DNHD1: variants seen among roughly 807,000 people sequenced by gnomAD.
The protein encoded by DNHD1 is dynein heavy chain domain-containing protein 1.
In DNHD1, 383 loss-of-function variants were observed where a neutral mutation model predicts 458.1. The observed-to-expected ratio is 0.84, with a 90% CI of 0.77 to 0.91. The LOEUF is 0.91. DNHD1 is among the 40% of genes least tolerant of loss of function. The probability of loss-of-function intolerance (pLI) is 0.00; values close to 1 mark genes in which losing one functional copy is unlikely to be tolerated. For synonymous variants in DNHD1, 2,203 were observed against 2,376.9 expected (o/e 0.93, Z 2.13); for missense variants, 5,336 against 5,866.1 (o/e 0.91, Z 2.95).
At position 6,559,284 on chromosome 11, in the gene DNHD1, G is replaced by C; in HGVS notation, c.9519+1G>C. On this transcript the variant is annotated splice_donor_variant, in intron 28 of 42. Transcript: ENST00000254579. LOFTEE classifies it high-confidence loss of function. Reference sequence around the variant, plus strand: ...ACAGCAGCTGAAAGACTCCGGCAAGGTAAGGAGATGATTTTGAGGCTTCCA... The same window carrying C: ...ACAGCAGCTGAAAGACTCCGGCAAGCTAAGGAGATGATTTTGAGGCTTCCA... 1 of 1,551,342 alleles carries C rather than the reference G, an allele frequency of 6.4e-7. No individual in the cohort carries two copies. Among genetic ancestry groups the C allele is most frequent in the Non-Finnish European group, 8.7e-7 (1 of 1,146,722 alleles).
At chr11:6,524,663 A>G (rs1023644709) in intron 10 of DNHD1, among the ~76,000 whole-genome samples, 2 of 152,166 alleles carry the variant, frequency 1.3e-5, no homozygotes, top group African/African-American at 4.8e-5. Context: ...GCTTTTAGCT[A>G]TAGGCAAGGG....
intron 10 of DNHD1, among the ~76,000 whole-genome samples, chr11:6,526,984 A>T (rs997579256): frequency 6.6e-6 from 1 of 152,140 alleles, no homozygotes; most frequent in Non-Finnish European, 1.5e-5. Flanking sequence ...TGGTGATGCC[A>T]TGTGTGTTTT....
At position 6,557,548 on chromosome 11, in the gene DNHD1, A is replaced by C. The variant is rs756004154; in HGVS notation, c.8253A>C (p.Pro2751=). 6 of 1,551,654 alleles carry C rather than the reference A, an allele frequency of 3.9e-6. No homozygotes were observed. The South Asian group carries it at 5.9e-5, about 15-fold the overall frequency. Residue 2751 remains proline, a synonymous_variant, in exon 25 of 43, where the codon CCA becomes CCC. Transcript: ENST00000254579. ...ACTCCAGAGATCCAAGTCTAACACC[A>C]TCCATAGGACCAGTAAGCAGGGGGA... ...VSNSRDPSLT[P]SIGPVSRGMK...
Position 6,528,931 on chromosome 11 carries a change from C to T in DNHD1, c.2157C>T (p.Gly719=), listed in dbSNP as rs1852771550. Residue 719 remains glycine, a synonymous_variant, in exon 12 of 43, where the codon GGC becomes GGT. Coordinates refer to ENST00000254579, the MANE Select transcript of DNHD1 (RefSeq NM_144666.3). The stretch of plus-strand genomic sequence containing the variant: ...GCAGGGAACATCATTGGATAACAGG[C>T]ATTTATGAATTCCTGCAATCCTGGG... ...EFCREHHWIT[G]IYEFLQSWGP... is the part of the protein sequence containing the mutation. The T allele has an allele frequency of 1.3e-6, 2 of 1,551,704 alleles. No individual in the cohort carries two copies. Among genetic ancestry groups the T allele is most frequent in the Non-Finnish European group, 1.7e-6 (2 of 1,146,998 alleles).
chr11:6,568,442 G>A lies in DNHD1; in HGVS notation c.12539-12G>A. On this transcript the variant is annotated splice_polypyrimidine_tract_variant and intron_variant, in intron 37 of 42. Transcript: ENST00000254579. Reference sequence around the variant, plus strand: ...ATCCAAGGACTGATCTCAGACCCTTGTCTGACTCTAGTGGTTGCAGACCTG... The same window carrying A: ...ATCCAAGGACTGATCTCAGACCCTTATCTGACTCTAGTGGTTGCAGACCTG... The A allele has an allele frequency of 7.4e-6, 12 of 1,612,764 alleles. No homozygotes were observed. The highest frequency in any genetic ancestry group is 1.0e-5 in the Non-Finnish European group (12 of 1,179,876).
rs769890689 is a variant in DNHD1, at chr11:6,498,255, G to T, written c.40G>T (p.Glu14Ter). 5.0e-6 allele frequency: 8 copies of T among 1,614,006 alleles called. No individual in the cohort carries two copies. The highest frequency in any genetic ancestry group is 6.8e-6 in the Non-Finnish European group (8 of 1,180,006). The part of the protein sequence containing the change: ...EERRVGLSSD[E>*]TSSDSLKSWH... ...GAGGAGGGTAGGTTTGTCTTCTGAT[G>T]AGACATCATCTGATTCCCTTAAGTC... Residue 14 changes from glutamate (E) to a stop codon, truncating the protein, a stop_gained, in exon 3 of 43, where the codon GAG becomes TAG. Coordinates refer to ENST00000254579, the MANE Select transcript of DNHD1 (RefSeq NM_144666.3). LOFTEE classifies it high-confidence loss of function.
rs1373908427 is a variant in DNHD1, at chr11:6,529,090, A to T, written c.2316A>T (p.Leu772=). The change falls in exon 12 of 43, where the codon CTA becomes CTT. Residue 772 remains leucine, a synonymous_variant. Coordinates refer to ENST00000254579, the MANE Select transcript of DNHD1 (RefSeq NM_144666.3). ...IELLTKGGLL[L]LSCHDVQAEM... is the part of the protein sequence containing the mutation. ...TGCTCACAAAAGGCGGGTTGCTGCT[A>T]CTTAGCTGCCATGATGTACAGGCAG... The T allele has an allele frequency of 6.5e-7, 1 of 1,550,234 alleles. No individual in the cohort carries two copies. Among genetic ancestry groups the T allele is most frequent in the Non-Finnish European group, 8.7e-7 (1 of 1,146,934 alleles).
intron 28 of DNHD1, among the ~76,000 whole-genome samples, chr11:6,562,004 C>G (rs1853597951): frequency 6.6e-6 from 1 of 152,002 alleles, no homozygotes; most frequent in Admixed American, 6.5e-5. Context: ...AGAAAACCAG[C>G]CAGGCTGCAG....
intron 24 of DNHD1, among the ~76,000 whole-genome samples, chr11:6,549,349 T>C (rs764511850): frequency 6.6e-6 from 1 of 152,216 alleles, no homozygotes; most frequent in Non-Finnish European, 1.5e-5. Context: ...CCTTCACCAA[T>C]ATCCAGTCAC....
chr11:6,551,849 G>T lies in DNHD1; in HGVS notation c.7387+2916G>T, dbSNP rs561444374. On this transcript the variant is annotated intron_variant, in intron 24 of 42. Coordinates refer to ENST00000254579, the MANE Select transcript of DNHD1 (RefSeq NM_144666.3). ...ACAGCTACTCGGGAGGCTGAGGCAG[G>T]AGAATTGCTTGAACCAGGGAGGTGG... 1.0e-3 allele frequency among the ~76,000 whole-genome samples: 153 copies of T among 150,686 alleles called. 4 individuals are homozygous for T. The highest frequency in any genetic ancestry group is 6.8e-3 in the Middle Eastern group (2 of 294).
At chr11:6,532,564 T>A (rs2134411372) in intron 12 of DNHD1, among the ~76,000 whole-genome samples, 1 of 152,318 alleles carries the variant, frequency 6.6e-6, no homozygotes, top group South Asian at 2.1e-4. Context: ...ACATGTCATT[T>A]CCATACTGTT....
intron 10 of DNHD1, among the ~76,000 whole-genome samples, chr11:6,526,865 G>A (rs1272213693): frequency 1.3e-5 from 2 of 152,140 alleles, no homozygotes; most frequent in East Asian, 1.9e-4. Context: ...CTGCTGTTCT[G>A]AAATGGGCCC....
rs189047099 is a variant in DNHD1, at chr11:6,537,121, T to C, written c.2999-1262T>C. On this transcript the variant is annotated intron_variant, in intron 14 of 42. Coordinates refer to ENST00000254579, the MANE Select transcript of DNHD1 (RefSeq NM_144666.3). Reference sequence around the variant, plus strand: ...TCAAGTTAATGAGATATCTGTTGTCTTTTAAGTAAATTGCAAACCTCGATA... The same window carrying C: ...TCAAGTTAATGAGATATCTGTTGTCCTTTAAGTAAATTGCAAACCTCGATA... Among the ~76,000 whole-genome samples the C allele has an allele frequency of 3.3e-3, 508 of 152,344 alleles. 7 individuals are homozygous for C. The highest frequency in any genetic ancestry group is 0.012 in the African/African-American group (482 of 41,580).
At chr11:6,520,195 T>A (rs1852577554) in intron 9 of DNHD1, 43 bp from the exon 10 acceptor site, 1 of 1,589,736 alleles carries the variant, frequency 6.3e-7, no homozygotes, top group African/African-American at 1.3e-5. Flanking sequence ...GAATCCCTCA[T>A]TGCTTTCCCA....
chr11:6,502,598 GAGTAT>G (rs112522153), intron 3 of DNHD1, among the ~76,000 whole-genome samples, 150 bp from the exon 4 acceptor site: 6 of 152,300 alleles, frequency 3.9e-5, no homozygotes, highest in African/African-American at 1.2e-4. Flanking sequence ...TGGTATCTTT[GAGTAT>G]AGATGGTAGT....
At chr11:6,528,278 T>C (rs576608412) in intron 10 of DNHD1, among the ~76,000 whole-genome samples, 1 of 152,362 alleles carries the variant, frequency 6.6e-6, no homozygotes, top group South Asian at 2.1e-4. Flanking sequence ...CCCTCCCTGC[T>C]TAGACTAGCT....
intron 41 of DNHD1, 95 bp from the exon 42 acceptor site, chr11:6,570,523 G>C: frequency 6.8e-7 from 1 of 1,480,142 alleles, no homozygotes; most frequent in Middle Eastern, 2.5e-4. Flanking sequence ...TGTTATGGGG[G>C]TGATGGCAGT....
rs1407789290 is a variant in DNHD1 at position 6,568,503 on chromosome 11, G to T, written c.12588G>T (p.Arg4196Ser). 2 of 1,613,964 alleles carry T rather than the reference G, an allele frequency of 1.2e-6. No individual in the cohort carries two copies. The highest frequency in any genetic ancestry group is 1.1e-5 in the South Asian group (1 of 91,090). ...AGCTTTTAGACCAACCTGAAAGCAG[G>T]AATGTAAGCACTGTTCACAGAGATT... ...SEQLLDQPESRNVSTVHRDFR... is the reference protein window; with the variant it reads ...SEQLLDQPESSNVSTVHRDFR... The change falls in exon 38 of 43, where the codon AGG becomes AGT. Residue 4196 changes from arginine (R) to serine (S), a missense_variant. Coordinates refer to ENST00000254579, the MANE Select transcript of DNHD1 (RefSeq NM_144666.3).
intron 28 of DNHD1, among the ~76,000 whole-genome samples, chr11:6,562,102 G>A (rs1185434821): frequency 6.6e-6 from 1 of 151,996 alleles, no homozygotes; most frequent in Non-Finnish European, 1.5e-5. Context: ...GAGGGCCTGA[G>A]CATGAGTGAC....
Sources: gnomAD v4.1 joint callset for allele counts (sites outside exome capture counted in the v4.1 genomes callset) on GRCh38, gnomAD v4.1.1 for gene constraint, MANE v1.5 for transcripts, NCBI Gene and HGNC (gene_info 2026-07-23, HGNC 2026-07-21) for gene names.